SCARA3: variants seen among roughly 807,000 people sequenced by gnomAD.
SCARA3 encodes cellular stress response gene protein.
A neutral mutation model predicts 47.0 loss-of-function variants in SCARA3; 39 were observed. That is an observed-to-expected ratio of 0.83 (90% CI 0.64 to 1.08). The LOEUF is 1.08. Among genes scored for constraint, SCARA3 ranks in the 50% least tolerant of loss-of-function variants. The pLI, the probability that SCARA3 is intolerant of heterozygous loss-of-function variation, is 0.00. For missense variants in SCARA3, 724 were observed against 792.3 expected, an observed-to-expected ratio of 0.91 and a Z score of 1.04; for synonymous variants, 356 against 334.1, an observed-to-expected ratio of 1.07 and a Z score of -0.71.
At chr8:27,712,562 C>CAAA in the SCARA3 span, among the ~76,000 whole-genome samples, 1,824 of 106,952 alleles carry the variant, frequency 0.017, 50 homozygotes, top group Middle Eastern at 0.026. Flanking sequence ...GACTCCGTCT[C>CAAA]AAAAAAAAAA....
the SCARA3 span, among the ~76,000 whole-genome samples, chr8:27,707,133 T>A: frequency 6.6e-6 from 1 of 152,158 alleles, no homozygotes; most frequent in East Asian, 1.9e-4. Context: ...GGTAGTCAGT[T>A]CTCCAGCCCC....
the SCARA3 span, among the ~76,000 whole-genome samples, chr8:27,716,315 A>G: frequency 2.6e-5 from 4 of 151,428 alleles, no homozygotes; most frequent in Admixed American, 1.3e-4. Context: ...CTCTATATAA[A>G]TATCTCTTTA....
At chr8:27,659,612 T>A in intron 5 of SCARA3, 73 bp downstream of exon 5, 1 of 1,357,742 alleles carries the variant, frequency 7.4e-7, no homozygotes, top group Non-Finnish European at 9.9e-7. Flanking sequence ...GACACAGAAG[T>A]ACCTGGTTTT....
chr8:27,646,520 G>A (rs1433202766), intron 1 of SCARA3, among the ~76,000 whole-genome samples: 1 of 152,150 alleles, frequency 6.6e-6, no homozygotes, highest in Non-Finnish European at 1.5e-5. Context: ...GCCCAGTCAC[G>A]GGGGAGGGCA....
rs1266176222 is a variant in SCARA3, at chr8:27,672,177, C to T, written c.*826C>T. 31 of 985,354 alleles carry T rather than the reference C, an allele frequency of 3.1e-5. No homozygotes were observed. In the Admixed American group the frequency reaches 1.9e-3, roughly 61 times the overall value. The allele number at this position is 985,354 out of a possible 1,614,324, so 61.0% of individuals were successfully genotyped here. A position where few individuals can be genotyped will look rare whatever the true frequency, so the allele number is the denominator to read the frequency against. On this transcript the variant is annotated 3_prime_UTR_variant, in exon 6 of 6. Transcript: ENST00000301904. ...ACAGTGGGGCCACGAGGCTGACATT[C>T]TCTGGCCTTGCACACAGTGCCCCCT...
the SCARA3 span, among the ~76,000 whole-genome samples, chr8:27,685,165 A>G: frequency 6.6e-6 from 1 of 152,204 alleles, no homozygotes. Context: ...TTAAAAGGAA[A>G]TATTATGAAA....
chr8:27,670,789 G>A (rs1403452015), intron 5 of SCARA3, 111 bp from the exon 6 acceptor site: 3 of 818,698 alleles, frequency 3.7e-6, no homozygotes, highest in East Asian at 2.7e-5. Context: ...ATGAGTGTCC[G>A]CTGGACTTGT....
chr8:27,645,098 G>A (rs556952372), intron 1 of SCARA3, among the ~76,000 whole-genome samples: 13 of 152,242 alleles, frequency 8.5e-5, no homozygotes, highest in African/African-American at 2.4e-4. Flanking sequence ...TTTCGCCTTC[G>A]CTGCAAAATT....
chr8:27,727,619 A>C, the SCARA3 span, among the ~76,000 whole-genome samples: 1 of 152,240 alleles, frequency 6.6e-6, no homozygotes, highest in South Asian at 2.1e-4. Flanking sequence ...AGCTCTCCAG[A>C]GCCCTTAAAA....
downstream of SCARA3, among the ~76,000 whole-genome samples, chr8:27,681,116 C>G (rs1802348409): frequency 6.6e-6 from 1 of 151,986 alleles, no homozygotes; most frequent in Non-Finnish European, 1.5e-5. Context: ...AACTTACAGC[C>G]AACATTGTAC....
At chr8:27,724,014 G>A in the SCARA3 span, among the ~76,000 whole-genome samples, 1 of 152,196 alleles carries the variant, frequency 6.6e-6, no homozygotes, top group Non-Finnish European at 1.5e-5. Flanking sequence ...GGGATTATAG[G>A]CGCAAGCCAC....
At chr8:27,636,337 C>T (rs1302050657) in intron 1 of SCARA3, among the ~76,000 whole-genome samples, 1 of 152,016 alleles carries the variant, frequency 6.6e-6, no homozygotes, top group South Asian at 2.1e-4. Flanking sequence ...CTCCGGAGCC[C>T]GAGGAGGGAG....
At chr8:27,683,133 G>A in the SCARA3 span, among the ~76,000 whole-genome samples, 1 of 152,102 alleles carries the variant, frequency 6.6e-6, no homozygotes, top group Non-Finnish European at 1.5e-5. Flanking sequence ...ACAAAAATAT[G>A]GATGAATCTC....
chr8:27,662,852 A>T (rs374765021), intron 5 of SCARA3, among the ~76,000 whole-genome samples: 4 of 152,368 alleles, frequency 2.6e-5, no homozygotes, highest in African/African-American at 9.6e-5. Flanking sequence ...CCATTGGGCA[A>T]TGACAGTGGT....
intron 3 of SCARA3, among the ~76,000 whole-genome samples, chr8:27,653,568 A>AGTGTGTGTGTGTGTGTGT (rs1801678907): frequency 1.0e-5 from 1 of 95,292 alleles, no homozygotes; most frequent in South Asian, 4.8e-4. Flanking sequence ...AGATTTGTAA[A>AGTGTGTGTGTGTGTGTGT]GCGTGTGTGT....
chr8:27,726,839 G>A, the SCARA3 span, among the ~76,000 whole-genome samples: 1 of 152,108 alleles, frequency 6.6e-6, no homozygotes, highest in Admixed American at 6.5e-5. Flanking sequence ...AGGCTGGAGT[G>A]CAGTGGTGCG....
At chr8:27,707,395 G>C in the SCARA3 span, among the ~76,000 whole-genome samples, 1 of 151,560 alleles carries the variant, frequency 6.6e-6, no homozygotes, top group African/African-American at 2.4e-5. Flanking sequence ...GATATGGTCA[G>C]AGAAATATAA....
At chr8:27,682,713 A>T in the SCARA3 span, among the ~76,000 whole-genome samples, 1 of 152,232 alleles carries the variant, frequency 6.6e-6, no homozygotes, top group Non-Finnish European at 1.5e-5. Flanking sequence ...TAAGAAAACC[A>T]TACCAAGTGT....
At chr8:27,720,085 C>T in the SCARA3 span, among the ~76,000 whole-genome samples, 1 of 152,024 alleles carries the variant, frequency 6.6e-6, no homozygotes, top group Admixed American at 6.6e-5. Flanking sequence ...GGGATGAGGG[C>T]TTTTCCCCAT....
Sources: allele counts gnomAD v4.1 joint callset (sites outside exome capture counted in the v4.1 genomes callset), GRCh38; gene constraint gnomAD v4.1.1; transcripts MANE v1.5; gene names NCBI Gene and HGNC (gene_info 2026-07-23, HGNC 2026-07-21).